Variants in LMBRD1 observed in about 807,000 individuals in gnomAD.
LMBRD1 encodes the protein lysosomal cobalamin transport escort protein LMBD1.
In LMBRD1, 64 loss-of-function variants were observed where a neutral mutation model predicts 74.8. The observed-to-expected ratio is 0.86, with a 90% CI of 0.70 to 1.05. The LOEUF is 1.05. LMBRD1 is among the 50% of genes least tolerant of loss of function. The pLI is 0.00. For missense variants in LMBRD1, 652 were observed against 645.9 expected, an observed-to-expected ratio of 1.01 and a Z score of -0.10; for synonymous variants, 204 against 216.3, an observed-to-expected ratio of 0.94 and a Z score of 0.50.
intron 14 of LMBRD1, among the ~76,000 whole-genome samples, chr6:69,687,317 A>G (rs1425302089): frequency 1.3e-5 from 2 of 152,128 alleles, no homozygotes; most frequent in Non-Finnish European, 2.9e-5. Flanking sequence ...AACACCAGTT[A>G]ATCTCCTTTG....
At chr6:69,686,196 T>G (rs963760124) in intron 14 of LMBRD1, among the ~76,000 whole-genome samples, 5 of 152,204 alleles carry the variant, frequency 3.3e-5, no homozygotes, top group Non-Finnish European at 7.3e-5. Context: ...TATAAATACA[T>G]TACCAAAATA....
chr6:69,681,571 ATAAT>A (rs1448922317), intron 14 of LMBRD1, among the ~76,000 whole-genome samples: 2 of 151,986 alleles, frequency 1.3e-5, no homozygotes, highest in African/African-American at 4.8e-5. Flanking sequence ...AAATCAATTT[ATAAT>A]TAATTACTCT....
chr6:69,760,868 A>T (rs1452043314), intron 3 of LMBRD1, among the ~76,000 whole-genome samples: 3 of 152,158 alleles, frequency 2.0e-5, no homozygotes, highest in Admixed American at 6.5e-5. Context: ...AGGCCAAGAG[A>T]GAGATAAAAC....
chr6:69,765,470 T>G (rs1250894352), intron 3 of LMBRD1, among the ~76,000 whole-genome samples: 2 of 152,198 alleles, frequency 1.3e-5, no homozygotes, highest in African/African-American at 2.4e-5. Flanking sequence ...TTGCTCTATA[T>G]GTCTGACCAT....
At chr6:69,771,478 G>A (rs900152692) in intron 3 of LMBRD1, among the ~76,000 whole-genome samples, 1 of 152,156 alleles carries the variant, frequency 6.6e-6, no homozygotes, top group Admixed American at 6.5e-5. Context: ...CATCATTTTA[G>A]CCACATTCTC....
At chr6:69,683,352 T>A (rs1486191655) in intron 14 of LMBRD1, among the ~76,000 whole-genome samples, 1 of 152,060 alleles carries the variant, frequency 6.6e-6, no homozygotes, top group Non-Finnish European at 1.5e-5. Flanking sequence ...TCTTTCTCTC[T>A]GGTAATAATT....
intron 6 of LMBRD1, 108 bp downstream of exon 6, chr6:69,741,681 G>T: frequency 1.7e-6 from 1 of 575,388 alleles, no homozygotes; most frequent in Non-Finnish European, 3.1e-6. Flanking sequence ...GAGCCACCAC[G>T]CCCAGCTGGG....
At chr6:69,715,982 G>A (rs1766480558) in intron 8 of LMBRD1, among the ~76,000 whole-genome samples, 1 of 152,142 alleles carries the variant, frequency 6.6e-6, no homozygotes, top group African/African-American at 2.4e-5. Flanking sequence ...ATTCCATGGT[G>A]TATATGTAAC....
At chr6:69,696,459 T>A (rs1379079525) in intron 14 of LMBRD1, among the ~76,000 whole-genome samples, 1 of 152,184 alleles carries the variant, frequency 6.6e-6, no homozygotes, top group Non-Finnish European at 1.5e-5. Flanking sequence ...TTTAGTCACT[T>A]TCTAAAGCCT....
intron 3 of LMBRD1, 86 bp from the exon 4 acceptor site, chr6:69,752,442 T>G (rs1356571053): frequency 9.9e-6 from 11 of 1,107,302 alleles, no homozygotes; most frequent in Admixed American, 4.1e-5. Context: ...TATATTCACT[T>G]AACAAATTCA....
intron 2 of LMBRD1, among the ~76,000 whole-genome samples, chr6:69,787,749 A>C (rs894914667): frequency 2.0e-5 from 3 of 152,204 alleles, no homozygotes; most frequent in African/African-American, 7.2e-5. Flanking sequence ...CTGATGAATA[A>C]CTAATATCCT....
chr6:69,730,429 ACTTTC>A (rs1329606176), intron 7 of LMBRD1, among the ~76,000 whole-genome samples: 1 of 152,054 alleles, frequency 6.6e-6, no homozygotes, highest in Non-Finnish European at 1.5e-5. Context: ...GGTACTCAAG[ACTTTC>A]CTTTTAAGTA....
chr6:69,750,181 A>C lies in LMBRD1; in HGVS notation c.406-773T>G, dbSNP rs1765094864. ...ATACATTAATATATATCTTATACAT[A>C]TATAACATATATCATGCCAGGCACT... On this transcript the variant is annotated intron_variant, in intron 4 of 15. Coordinates refer to ENST00000649934, the MANE Select transcript of LMBRD1 (RefSeq NM_018368.4). Among the ~76,000 whole-genome samples the C allele has an allele frequency of 1.3e-5, 2 of 150,486 alleles. 1 individual carries two copies. Among genetic ancestry groups the C allele is most frequent in the South Asian group, 4.1e-4 (2 of 4,830 alleles).
intron 7 of LMBRD1, among the ~76,000 whole-genome samples, chr6:69,734,827 TA>T (rs1267425160): frequency 3.9e-5 from 6 of 152,240 alleles, no homozygotes; most frequent in African/African-American, 7.2e-5. Flanking sequence ...AATACTGAAA[TA>T]AATGTAAGCT....
At chr6:69,736,479 T>C (rs1422899330) in intron 7 of LMBRD1, among the ~76,000 whole-genome samples, 1 of 152,202 alleles carries the variant, frequency 6.6e-6, no homozygotes, top group African/African-American at 2.4e-5. Context: ...CTGCTATTGC[T>C]GTGAGTAGAA....
chr6:69,703,902 G>A (rs575119162), intron 9 of LMBRD1, among the ~76,000 whole-genome samples: 3 of 151,930 alleles, frequency 2.0e-5, no homozygotes, highest in South Asian at 2.1e-4. Context: ...TCTCTTGAAC[G>A]AGGTCTTTCA....
At chr6:69,748,309 A>G (rs1341782097) in intron 5 of LMBRD1, among the ~76,000 whole-genome samples, 2 of 152,200 alleles carry the variant, frequency 1.3e-5, no homozygotes, top group African/African-American at 4.8e-5. Context: ...AACAAGGGAA[A>G]TTAACATAAG....
chr6:69,693,956 C>T lies in LMBRD1; in HGVS notation c.1417+3607G>A, dbSNP rs191127175. Among the ~76,000 whole-genome samples, 68 of 152,084 alleles carry T rather than the reference C, an allele frequency of 4.5e-4. No homozygotes were observed. In the East Asian group the frequency reaches 0.013, roughly 29 times the overall value. ...AGTTGGGAAAGATAAACCCATAAAACTAAAGGGTATGTTTTTGTATTGCAA... is the reference window on the plus strand; with the variant it reads ...AGTTGGGAAAGATAAACCCATAAAATTAAAGGGTATGTTTTTGTATTGCAA... On this transcript the variant is annotated intron_variant, in intron 14 of 15. Coordinates refer to ENST00000649934, the MANE Select transcript of LMBRD1 (RefSeq NM_018368.4).
chr6:69,766,207 T>TAGTACAATGTTAA (rs1158448924), intron 3 of LMBRD1, among the ~76,000 whole-genome samples: 1 of 152,010 alleles, frequency 6.6e-6, no homozygotes, highest in Non-Finnish European at 1.5e-5. Context: ...CAATGTTAAA[T>TAGTACAATGTTAA]AGCAGTGTTG....
Sources: allele counts gnomAD v4.1 joint callset (sites outside exome capture counted in the v4.1 genomes callset), GRCh38; gene constraint gnomAD v4.1.1; transcripts MANE v1.5; gene names NCBI Gene and HGNC (gene_info 2026-07-23, HGNC 2026-07-21).